NRG2: variants seen among roughly 807,000 people sequenced by gnomAD.
NRG2 encodes pro-neuregulin-2, membrane-bound isoform.
A neutral mutation model predicts 73.9 loss-of-function variants in NRG2; 27 were observed. That is an observed-to-expected ratio of 0.37 (90% CI 0.27 to 0.50). NRG2 has a LOEUF of 0.50. Ranked by LOEUF, NRG2 falls within the 20% of genes least tolerant of loss-of-function variation. The probability of loss-of-function intolerance (pLI) is 0.96; values close to 1 mark genes in which losing one functional copy is unlikely to be tolerated. For missense variants in NRG2, 1,126 were observed against 1,210.1 expected (o/e 0.93, Z 1.03); for synonymous variants, 532 against 541.0 (o/e 0.98, Z 0.23).
rs1761411343 is a variant in NRG2, at chr5:139,851,476, G to GA, written c.1772+127_1772+128insT. 2 of 879,476 alleles carry GA rather than the reference G, an allele frequency of 2.3e-6. No homozygotes were observed. The highest frequency in any genetic ancestry group is 3.5e-6 in the Non-Finnish European group (2 of 571,352). 54.5% of individuals were successfully genotyped at this position (879,476 alleles called of 1,614,324 possible). A position where few individuals can be genotyped will look rare whatever the true frequency, so the allele number is the denominator to read the frequency against. On this transcript the variant is annotated intron_variant, in intron 9 of 9. Coordinates refer to ENST00000361474, the MANE Select transcript of NRG2 (RefSeq NM_004883.3). This position sits in a 1 kb window ranked among gnomAD's most constrained non-coding sequence, Gnocchi z 4.2. ...GCCATTTCACCTTTTCTAGGACCTT[G>GA]TTTTCCCATATGAAAAATGGAGATG... is the stretch of plus-strand genomic sequence containing the variant.
At chr5:139,971,818 A>G (rs78102861) in intron 1 of NRG2, among the ~76,000 whole-genome samples, 381 of 152,330 alleles carry the variant, frequency 2.5e-3, no homozygotes, top group Non-Finnish European at 4.2e-3. Flanking sequence ...ACTTTACAAC[A>G]TATCTCCCCA....
intron 1 of NRG2, among the ~76,000 whole-genome samples, chr5:139,895,851 G>A (rs1443946932): frequency 6.6e-6 from 1 of 152,200 alleles, no homozygotes; most frequent in African/African-American, 2.4e-5. Flanking sequence ...CTCCCTACTG[G>A]GGAAAGCTGG....
chr5:139,855,050 C>G (rs1273740938), intron 6 of NRG2, among the ~76,000 whole-genome samples: 1 of 152,164 alleles, frequency 6.6e-6, no homozygotes. Flanking sequence ...GCCCGGCTCC[C>G]TCTCTGTTCA....
rs1761393110 is a variant in NRG2, at chr5:139,851,209, A to G, written c.1772+395T>C. 6.6e-6 allele frequency among the ~76,000 whole-genome samples: 1 copy of G among 152,136 alleles called. No individual in the cohort carries two copies. Among genetic ancestry groups the G allele is most frequent in the African/African-American group, 2.4e-5 (1 of 41,418 alleles). On this transcript the variant is annotated intron_variant, in intron 9 of 9. Coordinates refer to ENST00000361474, the MANE Select transcript of NRG2 (RefSeq NM_004883.3). The surrounding 1 kb of genome is among the most constrained non-coding windows in gnomAD (Gnocchi z 4.2). Reference sequence around the variant, plus strand: ...CACCATGTTGGCCAGACTAGTCTCAAACTCCTGACCTCAGGTGATCCATCC... The same window carrying G: ...CACCATGTTGGCCAGACTAGTCTCAGACTCCTGACCTCAGGTGATCCATCC...
chr5:139,867,796 G>GTGTA lies in NRG2; in HGVS notation c.1113-2172_1113-2171insTACA, dbSNP rs763869283. Among the ~76,000 whole-genome samples the GTGTA allele has an allele frequency of 4.3e-5, 5 of 115,392 alleles. No individual in the cohort carries two copies. The South Asian group carries it at 1.4e-3, about 33-fold the overall frequency. 75.7% of individuals were successfully genotyped at this position (115,392 alleles called of 152,430 possible). A position where few individuals can be genotyped will look rare whatever the true frequency, so the allele number is the denominator to read the frequency against. On this transcript the variant is annotated intron_variant, in intron 4 of 9. Coordinates refer to ENST00000361474, the MANE Select transcript of NRG2 (RefSeq NM_004883.3). ...TGTGTGTGTGTGTGTGTGTGTGTGT[G>GTGTA]TATGAGTGTGTGTGTGTGTGTGTGT...
intron 1 of NRG2, among the ~76,000 whole-genome samples, chr5:139,903,138 T>C (rs1028798750): frequency 2.6e-5 from 4 of 151,968 alleles, no homozygotes; most frequent in African/African-American, 7.3e-5. Context: ...GCCTCCCAGC[T>C]TCCCGTCAAA....
intron 1 of NRG2, among the ~76,000 whole-genome samples, chr5:140,017,384 T>G (rs1212077008): frequency 6.6e-6 from 1 of 151,722 alleles, no homozygotes; most frequent in Non-Finnish European, 1.5e-5. Flanking sequence ...AGTGAAAAGG[T>G]CTCCAACTAC....
chr5:139,982,998 G>T (rs968967134), intron 1 of NRG2, among the ~76,000 whole-genome samples: 1 of 152,230 alleles, frequency 6.6e-6, no homozygotes, highest in Non-Finnish European at 1.5e-5. Flanking sequence ...AGGCCCTGAT[G>T]TCTGGGGGAT....
intron 1 of NRG2, among the ~76,000 whole-genome samples, chr5:139,892,456 T>C (rs1328273788): frequency 2.0e-5 from 3 of 152,136 alleles, no homozygotes; most frequent in African/African-American, 7.2e-5. Flanking sequence ...CCTGGGGTCA[T>C]GTGGGATAAG....
intron 1 of NRG2, among the ~76,000 whole-genome samples, chr5:139,992,215 T>G (rs1374172986): frequency 6.6e-6 from 1 of 152,216 alleles, no homozygotes; most frequent in East Asian, 1.9e-4. Context: ...TTTGTTAGAT[T>G]TATTTTTAAG....
chr5:139,958,021 G>A (rs75669244), intron 1 of NRG2, among the ~76,000 whole-genome samples: 3,143 of 152,142 alleles, frequency 0.021, 104 homozygotes, highest in African/African-American at 0.071. Flanking sequence ...GACTTCCCTG[G>A]ACACGTTGGC....
chr5:139,947,542 T>C (rs917039685), intron 1 of NRG2, among the ~76,000 whole-genome samples: 2 of 152,240 alleles, frequency 1.3e-5, no homozygotes, highest in African/African-American at 4.8e-5. Context: ...CTGTGAACAT[T>C]TGTGTACAAG....
At chr5:140,039,946 G>C (rs976724859) in intron 1 of NRG2, among the ~76,000 whole-genome samples, 1 of 152,194 alleles carries the variant, frequency 6.6e-6, no homozygotes, top group Non-Finnish European at 1.5e-5. Context: ...AACAGAAAAT[G>C]AATTTGTTAG....
At chr5:140,029,686 T>TAAAAAA (rs1760980696) in intron 1 of NRG2, among the ~76,000 whole-genome samples, 3 of 69,538 alleles carry the variant, frequency 4.3e-5, no homozygotes, top group African/African-American at 1.1e-4. Flanking sequence ...AGACTCTGTC[T>TAAAAAA]CAAAAAAAAA....
chr5:139,944,066 C>CT (rs1753611016), intron 1 of NRG2, among the ~76,000 whole-genome samples: 1 of 151,442 alleles, frequency 6.6e-6, no homozygotes, highest in African/African-American at 2.4e-5. Flanking sequence ...TTTTCAACCC[C>CT]TAAAAAATAT....
rs886945858 is a variant in NRG2, at chr5:139,852,703, G to A, written c.1417-144C>T. On this transcript the variant is annotated intron_variant, in intron 7 of 9. Transcript: ENST00000361474. This position sits in a 1 kb window ranked among gnomAD's most constrained non-coding sequence, Gnocchi z 4.4. The stretch of plus-strand genomic sequence containing the variant: ...GAGAGTGACTTGATGTTGGGGCAGC[G>A]ATGGCTCCAGCAAATCAACCCCCAC... The A allele has an allele frequency of 1.6e-5, 22 of 1,418,442 alleles. No individual in the cohort carries two copies. Among genetic ancestry groups the A allele is most frequent in the African/African-American group, 1.3e-4 (9 of 69,920 alleles). 87.9% of individuals were successfully genotyped at this position (1,418,442 alleles called of 1,614,324 possible). A position where few individuals can be genotyped will look rare whatever the true frequency, so the allele number is the denominator to read the frequency against.
intron 1 of NRG2, among the ~76,000 whole-genome samples, chr5:139,959,845 C>T (rs772435757): frequency 6.6e-6 from 1 of 152,192 alleles, no homozygotes; most frequent in Non-Finnish European, 1.5e-5. Context: ...AGTGTGGCAG[C>T]GTCCTGTCAA....
chr5:140,024,034 C>A (rs960885535), intron 1 of NRG2, among the ~76,000 whole-genome samples: 2 of 152,128 alleles, frequency 1.3e-5, no homozygotes, highest in Non-Finnish European at 2.9e-5. Flanking sequence ...GTAAAACTGA[C>A]ATCCCCTGAG....
rs189320384 is a variant in NRG2, at chr5:139,930,088, C to T, written c.701-42577G>A. 1.2e-3 allele frequency among the ~76,000 whole-genome samples: 182 copies of T among 152,268 alleles called. 3 individuals are homozygous for T. Among genetic ancestry groups the T allele is most frequent in the East Asian group, 4.0e-3 (21 of 5,186 alleles). The stretch of plus-strand genomic sequence containing the variant: ...TTAACATGATTGTTTGTGGGACAAA[C>T]GAGGATTAGTGGTTTTCCATGGCAC... On this transcript the variant is annotated intron_variant, in intron 1 of 9. Coordinates refer to ENST00000361474, the MANE Select transcript of NRG2 (RefSeq NM_004883.3).
Sources: allele counts gnomAD v4.1 joint callset (sites outside exome capture counted in the v4.1 genomes callset), GRCh38; gene constraint gnomAD v4.1.1; non-coding constraint Gnocchi (gnomAD v3.1); transcripts MANE v1.5; gene names NCBI Gene and HGNC (gene_info 2026-07-23, HGNC 2026-07-21).